Variants in DCC observed in about 807,000 individuals in gnomAD.
DCC encodes DCC netrin 1 receptor.
A neutral mutation model predicts 172.5 loss-of-function variants in DCC; 58 were observed. That is an observed-to-expected ratio of 0.34 (90% CI 0.27 to 0.42). The LOEUF (loss-of-function observed/expected upper bound fraction) is 0.42, where lower values mean the gene tolerates loss of function less well. Ranked by LOEUF, DCC falls within the 10% of genes least tolerant of loss-of-function variation. The probability of loss-of-function intolerance (pLI) is 1.00; values close to 1 mark genes in which losing one functional copy is unlikely to be tolerated. For missense variants in DCC, 1,740 were observed against 1,791.0 expected (o/e 0.97, Z 0.51); for synonymous variants, 709 against 644.5 (o/e 1.10, Z -1.52).
At position 53,460,284 on chromosome 18, in the gene DCC, T is replaced by TG. The variant is rs1315461256; in HGVS notation, c.3619+826_3619+827insG. Among the ~76,000 whole-genome samples, 9 of 117,190 alleles carry TG rather than the reference T, an allele frequency of 7.7e-5. No homozygotes were observed. The South Asian group carries it at 2.5e-3, about 32-fold the overall frequency. The allele number at this position is 117,190 out of a possible 152,430, so 76.9% of individuals were successfully genotyped here. A position where few individuals can be genotyped will look rare whatever the true frequency, so the allele number is the denominator to read the frequency against. Reference sequence around the variant, plus strand: ...GAATGAGGAGCTCCTGTTTTTTTTTTTTTTTTTTTTTTTTTTTTTAAGTTT... The same window carrying TG: ...GAATGAGGAGCTCCTGTTTTTTTTTTGTTTTTTTTTTTTTTTTTTTAAGTTT... On this transcript the variant is annotated intron_variant, in intron 24 of 28. Coordinates refer to ENST00000442544, the MANE Select transcript of DCC (RefSeq NM_005215.4).
chr18:52,515,592 G>A (rs2031603355), intron 1 of DCC, among the ~76,000 whole-genome samples: 1 of 17,232 alleles, frequency 5.8e-5, no homozygotes, highest in South Asian at 1.7e-3. Context: ...GGGCGACAGA[G>A]CGAAACCCTG....
intron 7 of DCC, among the ~76,000 whole-genome samples, chr18:53,136,269 T>C (rs952005111): frequency 2.0e-5 from 3 of 151,746 alleles, no homozygotes; most frequent in African/African-American, 7.3e-5. Flanking sequence ...ACATACACAC[T>C]AGATATAATC....
At chr18:52,616,005 AT>A in intron 1 of DCC, among the ~76,000 whole-genome samples, 1 of 152,322 alleles carries the variant, frequency 6.6e-6, no homozygotes, top group South Asian at 2.1e-4. Flanking sequence ...TTTATAAAAC[AT>A]TTGCAAAGGT....
intron 25 of DCC, among the ~76,000 whole-genome samples, chr18:53,480,492 T>C (rs187463937): frequency 9.2e-5 from 14 of 152,326 alleles, no homozygotes; most frequent in Admixed American, 3.3e-4. Context: ...TAAAAACTAT[T>C]ATTTATTTTC....
At chr18:53,302,518 T>C (rs899097183) in intron 12 of DCC, among the ~76,000 whole-genome samples, 14 of 152,218 alleles carry the variant, frequency 9.2e-5, no homozygotes, top group African/African-American at 3.4e-4. Context: ...TACAATTTTC[T>C]TCATTGTCTT....
intron 15 of DCC, among the ~76,000 whole-genome samples, chr18:53,340,761 G>C (rs537360476): frequency 6.6e-6 from 1 of 152,196 alleles, no homozygotes; most frequent in South Asian, 2.1e-4. Context: ...AATGTAAGTT[G>C]ATTCTACCTG....
intron 2 of DCC, among the ~76,000 whole-genome samples, chr18:52,856,668 A>AT (rs2039061423): frequency 6.6e-6 from 1 of 151,054 alleles, no homozygotes; most frequent in African/African-American, 2.4e-5. Flanking sequence ...AATATATATT[A>AT]TGAATTCACT....
intron 14 of DCC, among the ~76,000 whole-genome samples, chr18:53,331,424 T>C (rs1344594581): frequency 6.6e-6 from 1 of 152,214 alleles, no homozygotes; most frequent in Non-Finnish European, 1.5e-5. Flanking sequence ...AAATGCTTCA[T>C]GGTAGAATGA....
intron 1 of DCC, among the ~76,000 whole-genome samples, chr18:52,627,781 C>T (rs983046503): frequency 6.6e-6 from 1 of 152,192 alleles, no homozygotes; most frequent in African/African-American, 2.4e-5. Context: ...ACTTTTCTTG[C>T]TTGTGAGCCA....
At chr18:53,384,782 T>C (rs1056107195) in intron 15 of DCC, among the ~76,000 whole-genome samples, 12 of 152,014 alleles carry the variant, frequency 7.9e-5, no homozygotes, top group African/African-American at 2.2e-4. Context: ...TACTTTTCTA[T>C]AGGAATGATA....
chr18:53,153,896 A>G (rs1007146822), intron 7 of DCC, among the ~76,000 whole-genome samples: 2 of 152,192 alleles, frequency 1.3e-5, no homozygotes, highest in Non-Finnish European at 2.9e-5. Flanking sequence ...CCATGAGAAC[A>G]TTGGCTTCGT....
intron 2 of DCC, among the ~76,000 whole-genome samples, chr18:52,896,623 G>C (rs960842702): frequency 2.0e-5 from 3 of 152,124 alleles, no homozygotes; most frequent in Admixed American, 2.0e-4. Context: ...CTTGTGCTCA[G>C]AATAGATATT....
At chr18:52,435,201 A>G (rs755901062) in intron 1 of DCC, among the ~76,000 whole-genome samples, 20 of 152,052 alleles carry the variant, frequency 1.3e-4, no homozygotes, top group Non-Finnish European at 2.6e-4. Context: ...GGCCTTTGCC[A>G]TTTATAATAT....
At position 52,586,268 on chromosome 18, in the gene DCC, TG is replaced by T. The variant is rs202047375; in HGVS notation, c.92-165785del. Among the ~76,000 whole-genome samples, 3 of 152,226 alleles carry T rather than the reference TG, an allele frequency of 2.0e-5. No individual in the cohort carries two copies. In the East Asian group the frequency reaches 5.8e-4, roughly 29 times the overall value. On this transcript the variant is annotated intron_variant, in intron 1 of 28. Coordinates refer to ENST00000442544, the MANE Select transcript of DCC (RefSeq NM_005215.4). ...AGTCTTGATTGTAATGTTTTCATTTTGATATTAAAAATATCCTAGTTTTATT... is the reference window on the plus strand; with the variant it reads ...AGTCTTGATTGTAATGTTTTCATTTTATATTAAAAATATCCTAGTTTTATT...
intron 5 of DCC, among the ~76,000 whole-genome samples, chr18:52,976,572 A>G (rs1232683126): frequency 6.6e-6 from 1 of 152,226 alleles, no homozygotes; most frequent in Non-Finnish European, 1.5e-5. Flanking sequence ...AAGATGACAC[A>G]ATTCCATCCA....
intron 5 of DCC, among the ~76,000 whole-genome samples, chr18:52,997,472 T>A (rs968477906): frequency 1.3e-5 from 2 of 152,094 alleles, no homozygotes; most frequent in African/African-American, 4.8e-5. Context: ...TAAGTCTCCA[T>A]TCAGGATTCA....
At chr18:53,476,526 A>G (rs1236601653) in intron 25 of DCC, among the ~76,000 whole-genome samples, 2 of 152,194 alleles carry the variant, frequency 1.3e-5, no homozygotes, top group Non-Finnish European at 2.9e-5. Flanking sequence ...TTCTGCTGCC[A>G]TGTGAGATGT....
intron 7 of DCC, among the ~76,000 whole-genome samples, chr18:53,120,251 G>C (rs2043465462): frequency 6.6e-6 from 1 of 151,694 alleles, no homozygotes; most frequent in Non-Finnish European, 1.5e-5. Context: ...GAAGATATTT[G>C]TATAAAATAC....
chr18:52,507,328 A>G (rs1373556581), intron 1 of DCC, among the ~76,000 whole-genome samples: 1 of 152,228 alleles, frequency 6.6e-6, no homozygotes, highest in Non-Finnish European at 1.5e-5. Context: ...AGTCAAATAT[A>G]TTAACACAGT....
Sources: gnomAD v4.1 joint callset for allele counts (sites outside exome capture counted in the v4.1 genomes callset) on GRCh38, gnomAD v4.1.1 for gene constraint, MANE v1.5 for transcripts, NCBI Gene and HGNC (gene_info 2026-07-23, HGNC 2026-07-21) for gene names.